The following CACNA1C variants were observed in gnomAD, a reference collection of about 807,000 sequenced individuals.
The protein encoded by CACNA1C is calcium voltage-gated channel subunit alpha1 C, also known as voltage-dependent L-type calcium channel subunit alpha-1C.
A neutral mutation model predicts 229.0 loss-of-function variants in CACNA1C; 30 were observed. The observed-to-expected ratio is 0.13, with a 90% CI of 0.10 to 0.18. CACNA1C has a LOEUF of 0.18. CACNA1C is among the 10% of genes least tolerant of loss of function. CACNA1C has a pLI of 1.00. For missense variants in CACNA1C, 1,658 were observed against 2,845.0 expected (o/e 0.58, Z 9.49); for synonymous variants, 1,114 against 1,132.5 (o/e 0.98, Z 0.33).
intron 3 of CACNA1C, among the ~76,000 whole-genome samples, chr12:2,224,677 C>T (rs2062438381): frequency 6.6e-6 from 1 of 152,110 alleles, no homozygotes; most frequent in Admixed American, 6.6e-5. Context: ...CCATCAATTT[C>T]CTGATGAAGA....
At chr12:2,538,638 C>T (rs1459945610) in intron 9 of CACNA1C, among the ~76,000 whole-genome samples, 4 of 152,158 alleles carry the variant, frequency 2.6e-5, no homozygotes, top group East Asian at 1.9e-4. Flanking sequence ...AAGGCCAAGG[C>T]GAGGACTGTC....
chr12:2,426,496 G>A (rs1200172086), intron 3 of CACNA1C, among the ~76,000 whole-genome samples: 1 of 152,240 alleles, frequency 6.6e-6, no homozygotes, highest in Non-Finnish European at 1.5e-5. Context: ...AGCCCAAGCT[G>A]TATTTGAAAG....
intron 1 of CACNA1C, among the ~76,000 whole-genome samples, chr12:2,100,079 C>A (rs560176250): frequency 6.6e-6 from 1 of 152,106 alleles, no homozygotes; most frequent in Non-Finnish European, 1.5e-5. Context: ...CCTCTCAGCA[C>A]GTGTATATTA....
chr12:2,540,556 C>T (rs1466609428), intron 9 of CACNA1C, among the ~76,000 whole-genome samples: 2 of 152,168 alleles, frequency 1.3e-5, no homozygotes, highest in African/African-American at 4.8e-5. Flanking sequence ...TCCTCCCCTC[C>T]ACTGCTGTGG....
intron 5 of CACNA1C, among the ~76,000 whole-genome samples, chr12:2,461,956 G>A (rs549437787): frequency 1.3e-5 from 2 of 152,094 alleles, no homozygotes; most frequent in Non-Finnish European, 2.9e-5. Context: ...CAGCCAAGTC[G>A]GATCATGTTC....
intron 11 of CACNA1C, 34 bp downstream of exon 11, chr12:2,557,011 T>C (rs1462372027): frequency 6.3e-7 from 1 of 1,595,760 alleles, no homozygotes; most frequent in Non-Finnish European, 8.6e-7. Flanking sequence ...TCCTTCCTTC[T>C]GCCACCAGCT....
At position 2,633,496 on chromosome 12, in the gene CACNA1C, A is replaced by G. The variant is rs902370510; in HGVS notation, c.3829-801A>G. The G allele has an allele frequency of 1.3e-5, 9 of 686,018 alleles. No homozygotes were observed. The highest frequency in any genetic ancestry group is 2.4e-5 in the Non-Finnish European group (9 of 379,622). 42.5% of individuals were successfully genotyped at this position (686,018 alleles called of 1,614,324 possible). A position where few individuals can be genotyped will look rare whatever the true frequency, so the allele number is the denominator to read the frequency against. On this transcript the variant is annotated intron_variant, in intron 29 of 46. Transcript: ENST00000399655. The surrounding 1 kb of genome is among the most constrained non-coding windows in gnomAD (Gnocchi z 5.8). ...TGCTGGTGCTCCTGGGCTCCTGGCC[A>G]TGGTGAGGGCGTCCGGAACTCCAGA...
At chr12:2,177,587 C>CCCTTCCTTCCTTCCTTCCTTCCTTCCTT (rs1555274712) in intron 3 of CACNA1C, among the ~76,000 whole-genome samples, 1 of 78,462 alleles carries the variant, frequency 1.3e-5, no homozygotes, top group Admixed American at 1.4e-4. Context: ...CTCCCTCCCT[C>CCCTTCCTTCCTTCCTTCCTTCCTTCCTT]CCTTCCTTCC....
intron 3 of CACNA1C, among the ~76,000 whole-genome samples, chr12:2,163,528 G>C (rs1245530316): frequency 1.3e-5 from 2 of 152,114 alleles, no homozygotes; most frequent in Admixed American, 6.5e-5. Context: ...CCACCCCCTG[G>C]TGGGTACATC....
chr12:2,446,388 ATGGGTGGATGGATAGGTGGG>A (rs1278891865), intron 3 of CACNA1C, among the ~76,000 whole-genome samples: 2 of 125,672 alleles, frequency 1.6e-5, no homozygotes, highest in African/African-American at 6.4e-5. Flanking sequence ...GGATGGATGG[ATGGGTGGATGGATAGGTGGG>A]TGGGTGGATG....
intron 3 of CACNA1C, among the ~76,000 whole-genome samples, chr12:2,135,810 C>T (rs1345356372): frequency 3.4e-5 from 5 of 146,610 alleles, no homozygotes; most frequent in Non-Finnish European, 7.4e-5. Context: ...GCAGGCAGGC[C>T]TCCTTGAGCT....
chr12:2,469,485 G>A (rs1211768282), intron 5 of CACNA1C, among the ~76,000 whole-genome samples: 7 of 152,200 alleles, frequency 4.6e-5, no homozygotes, highest in Non-Finnish European at 2.9e-5. Flanking sequence ...GGAGAGTAAC[G>A]TGGCACAAGT....
chr12:2,425,961 C>T (rs1034263827), intron 3 of CACNA1C, among the ~76,000 whole-genome samples: 14 of 152,170 alleles, frequency 9.2e-5, no homozygotes, highest in East Asian at 7.8e-4. Context: ...CTTTGGATTT[C>T]GTGGTATTCT....
chr12:2,240,624 C>T (rs1159014073), intron 3 of CACNA1C, among the ~76,000 whole-genome samples: 3 of 152,216 alleles, frequency 2.0e-5, no homozygotes, highest in African/African-American at 7.2e-5. Flanking sequence ...CAGCGTTGGG[C>T]ACACCATCCC....
intron 3 of CACNA1C, among the ~76,000 whole-genome samples, chr12:2,284,293 ATTT>A (rs35238168): frequency 7.2e-6 from 1 of 139,854 alleles, no homozygotes. Context: ...AGACCTCTAG[ATTT>A]TTTTTTTTTT....
chr12:2,074,176 A>G (rs2062356329), intron 1 of CACNA1C, among the ~76,000 whole-genome samples: 1 of 151,948 alleles, frequency 6.6e-6, no homozygotes, highest in South Asian at 2.1e-4. Flanking sequence ...AATGTAGGAA[A>G]AAACATCTGC....
At chr12:2,387,415 G>T (rs1208798582) in intron 3 of CACNA1C, among the ~76,000 whole-genome samples, 1 of 152,076 alleles carries the variant, frequency 6.6e-6, no homozygotes, top group Non-Finnish European at 1.5e-5. Flanking sequence ...AAACCGGGAG[G>T]CAGGGGTTGC....
At position 2,140,793 on chromosome 12, in the gene CACNA1C, G is replaced by A. The variant is rs1014667363; in HGVS notation, c.477+20363G>A. Among the ~76,000 whole-genome samples, 56 of 151,422 alleles carry A rather than the reference G, an allele frequency of 3.7e-4. 2 individuals carry two copies. Among genetic ancestry groups the A allele is most frequent in the African/African-American group, 1.2e-3 (50 of 41,388 alleles). ...GCAAGATGTGCGGAAACAAGGGTGC[G>A]CAGGGTCTCTGCCCTCACAGAGCTT... On this transcript the variant is annotated intron_variant, in intron 3 of 46. Transcript: ENST00000399655.
chr12:1,980,700 T>C, intron 1 of CACNA1C, among the ~76,000 whole-genome samples: 1 of 151,104 alleles, frequency 6.6e-6, no homozygotes, highest in South Asian at 2.1e-4. Context: ...TAATAAAGAG[T>C]TATTTATTTC....
Sources: gnomAD v4.1 joint callset for allele counts (sites outside exome capture counted in the v4.1 genomes callset) on GRCh38, gnomAD v4.1.1 for gene constraint, Gnocchi (gnomAD v3.1) non-coding constraint, MANE v1.5 for transcripts, NCBI Gene and HGNC (gene_info 2026-07-23, HGNC 2026-07-21) for gene names.